Variants in EGFLAM observed in about 807,000 individuals in gnomAD.
EGFLAM encodes EGF like, fibronectin type III and laminin G domains.
EGFLAM carries 79 observed loss-of-function variants against 113.1 expected under a neutral mutation model. That is an observed-to-expected ratio of 0.70 (90% CI 0.58 to 0.84). The LOEUF (loss-of-function observed/expected upper bound fraction) is 0.84, where lower values mean the gene tolerates loss of function less well. Among genes scored for constraint, EGFLAM ranks in the 40% least tolerant of loss-of-function variants. The pLI is 0.00. For synonymous variants in EGFLAM, 504 were observed against 487.6 expected, an observed-to-expected ratio of 1.03 and a Z score of -0.44; for missense variants, 1,265 against 1,291.6, an observed-to-expected ratio of 0.98 and a Z score of 0.32.
intron 1 of EGFLAM, among the ~76,000 whole-genome samples, chr5:38,279,563 G>A (rs1757967017): frequency 6.6e-6 from 1 of 152,186 alleles, no homozygotes. Context: ...CATATCATTT[G>A]CAACAACATG....
At chr5:38,414,772 A>G (rs1741588143) in intron 11 of EGFLAM, among the ~76,000 whole-genome samples, 1 of 152,160 alleles carries the variant, frequency 6.6e-6, no homozygotes, top group Non-Finnish European at 1.5e-5. Context: ...TTCATTATAG[A>G]GTCAAAGGGA....
At chr5:38,388,617 C>A (rs887065311) in intron 6 of EGFLAM, among the ~76,000 whole-genome samples, 2 of 151,376 alleles carry the variant, frequency 1.3e-5, no homozygotes, top group African/African-American at 4.9e-5. Flanking sequence ...TAAATTAGCC[C>A]GGCATGGTGG....
At chr5:38,396,114 A>G (rs1313544212) in intron 6 of EGFLAM, among the ~76,000 whole-genome samples, 7 of 148,422 alleles carry the variant, frequency 4.7e-5, no homozygotes, top group Non-Finnish European at 1.0e-4. Flanking sequence ...CCCACCCCCA[A>G]CTACTCATAT....
chr5:38,421,744 G>A (rs1314448917), intron 12 of EGFLAM, among the ~76,000 whole-genome samples: 1 of 152,166 alleles, frequency 6.6e-6, no homozygotes, highest in Non-Finnish European at 1.5e-5. Context: ...GGGTCTGGGG[G>A]CCAGGGAAAG....
intron 1 of EGFLAM, among the ~76,000 whole-genome samples, chr5:38,266,368 A>T (rs1412807548): frequency 2.0e-5 from 3 of 152,144 alleles, no homozygotes; most frequent in Non-Finnish European, 4.4e-5. Flanking sequence ...ATAAAGAAAG[A>T]CCCTACCATA....
chr5:38,302,060 C>T (rs547582636), intron 1 of EGFLAM, among the ~76,000 whole-genome samples: 58 of 151,982 alleles, frequency 3.8e-4, no homozygotes, highest in African/African-American at 1.3e-3. Flanking sequence ...GCCAACGTAG[C>T]GAAACCCCGT....
intron 1 of EGFLAM, among the ~76,000 whole-genome samples, chr5:38,277,215 G>T (rs369223559): frequency 6.6e-6 from 1 of 152,044 alleles, no homozygotes; most frequent in East Asian, 1.9e-4. Flanking sequence ...ATCATTCACC[G>T]TGATCATGTA....
At chr5:38,456,350 A>G (rs747223881) in intron 19 of EGFLAM, among the ~76,000 whole-genome samples, 45 of 152,230 alleles carry the variant, frequency 3.0e-4, no homozygotes, top group Non-Finnish European at 5.0e-4. Context: ...TGCTCTTTCT[A>G]TCACCCCACG....
chr5:38,434,187 C>A, intron 15 of EGFLAM, among the ~76,000 whole-genome samples: 1 of 152,188 alleles, frequency 6.6e-6, no homozygotes, highest in East Asian at 1.9e-4. Flanking sequence ...TACTCACATT[C>A]CCTCTAAGCC....
intron 1 of EGFLAM, among the ~76,000 whole-genome samples, chr5:38,266,071 C>T (rs2561044): frequency 0.43 from 65,072 of 152,056 alleles, 14,157 homozygotes; most frequent in Admixed American, 0.48. Context: ...AGACTCTAAG[C>T]TGACCGGTGA....
intron 12 of EGFLAM, among the ~76,000 whole-genome samples, chr5:38,421,919 C>G (rs139373356): frequency 6.6e-6 from 1 of 152,068 alleles, no homozygotes; most frequent in Non-Finnish European, 1.5e-5. Context: ...CTTCTGACAG[C>G]TCATTAGACG....
rs138445278 is a variant in EGFLAM, at chr5:38,410,306, G to A, written c.1349+1202G>A. 5.3e-5 allele frequency among the ~76,000 whole-genome samples: 8 copies of A among 152,320 alleles called. No individual in the cohort carries two copies. In the East Asian group the frequency reaches 7.7e-4, roughly 15 times the overall value. On this transcript the variant is annotated intron_variant, in intron 10 of 21. Coordinates refer to ENST00000322350, the MANE Select transcript of EGFLAM (RefSeq NM_152403.4). ...GGTGTTAGCCACCAGGATCTTGGGC[G>A]GTGGTTTTCACCTTGTAGGGTCCTA...
chr5:38,394,187 G>A (rs931739058), intron 6 of EGFLAM, among the ~76,000 whole-genome samples: 3 of 151,834 alleles, frequency 2.0e-5, no homozygotes, highest in East Asian at 4.0e-4. Flanking sequence ...TGAAGTTTAT[G>A]GGCACAGGAC....
At position 38,370,346 on chromosome 5, in the gene EGFLAM, A is replaced by G. The variant is rs1370446240; in HGVS notation, c.596A>G (p.Asp199Gly). 1 of 1,613,862 alleles carries G rather than the reference A, an allele frequency of 6.2e-7. No homozygotes were observed. The highest frequency in any genetic ancestry group is 1.7e-5 in the Admixed American group (1 of 59,988). The change falls in exon 6 of 22, where the codon GAC (aspartate) becomes GGC (glycine). Residue 199 changes from aspartate (D) to glycine (G), a missense_variant. Physicochemically the swap from Asp to Gly is moderately conservative, Grantham distance 94. Coordinates refer to ENST00000322350, the MANE Select transcript of EGFLAM (RefSeq NM_152403.4). ...TCAATCCATGAGCGGATCCAGATGG[A>G]CTCCATGGTTATCAAGGGCCTCGAT... The part of the protein sequence containing the change: ...WTSIHERIQM[D>G]SMVIKGLDPD...
intron 20 of EGFLAM, among the ~76,000 whole-genome samples, chr5:38,460,215 T>G (rs574468467): frequency 1.3e-5 from 2 of 152,352 alleles, no homozygotes; most frequent in African/African-American, 4.8e-5. Context: ...CCAGTTTCCT[T>G]GGGTGGAGAT....
At chr5:38,448,252 G>C in intron 17 of EGFLAM, 49 bp from the exon 18 acceptor site, 1 of 1,600,796 alleles carries the variant, frequency 6.2e-7, no homozygotes, top group Non-Finnish European at 8.6e-7. Flanking sequence ...GAGTGCAGGG[G>C]TCAAGAGAAC....
intron 5 of EGFLAM, among the ~76,000 whole-genome samples, chr5:38,357,338 A>G (rs1335437245): frequency 1.3e-5 from 2 of 152,136 alleles, no homozygotes; most frequent in Non-Finnish European, 2.9e-5. Flanking sequence ...ATCTGCTGGC[A>G]CTTTGATCTT....
chr5:38,412,682 A>T, intron 11 of EGFLAM, 34 bp downstream of exon 11: 2 of 1,606,514 alleles, frequency 1.2e-6, no homozygotes, highest in Non-Finnish European at 1.7e-6. Flanking sequence ...CCCACCCCAC[A>T]TACCACCCAC....
intron 1 of EGFLAM, among the ~76,000 whole-genome samples, chr5:38,328,758 T>A: frequency 6.7e-6 from 1 of 149,840 alleles, no homozygotes; most frequent in Non-Finnish European, 1.5e-5. Context: ...AATTGTCTCT[T>A]CATATTTTAT....
Sources: gnomAD v4.1 joint callset for allele counts (sites outside exome capture counted in the v4.1 genomes callset) on GRCh38, gnomAD v4.1.1 for gene constraint, MANE v1.5 for transcripts, NCBI Gene and HGNC (gene_info 2026-07-23, HGNC 2026-07-21) for gene names.